The following NELL1 variants were observed in gnomAD, a reference collection of about 807,000 sequenced individuals.
NELL1 encodes the protein protein kinase C-binding protein NELL1.
In NELL1, 76 loss-of-function variants were observed where a neutral mutation model predicts 107.4. The ratio of observed to expected loss-of-function variants is 0.71; its 90% CI spans 0.59 to 0.86. The LOEUF is 0.86. NELL1 is among the 40% of genes least tolerant of loss of function. NELL1 has a pLI of 0.00. For missense variants in NELL1, 1,024 were observed against 1,005.5 expected, an observed-to-expected ratio of 1.02 and a Z score of -0.25; for synonymous variants, 353 against 341.2, an observed-to-expected ratio of 1.03 and a Z score of -0.38.
intron 12 of NELL1, among the ~76,000 whole-genome samples, chr11:21,101,645 A>G (rs950158317): frequency 2.0e-5 from 3 of 151,966 alleles, no homozygotes; most frequent in African/African-American, 7.3e-5. Flanking sequence ...TTCTTTTGAG[A>G]AGTGTCTGTT....
chr11:21,449,974 A>G (rs570010338), intron 15 of NELL1, among the ~76,000 whole-genome samples: 1 of 152,352 alleles, frequency 6.6e-6, no homozygotes, highest in African/African-American at 2.4e-5. Context: ...GGAATAAGGT[A>G]GAGTTAGCCC....
At chr11:21,018,453 G>A (rs1037705395) in intron 12 of NELL1, among the ~76,000 whole-genome samples, 8 of 152,096 alleles carry the variant, frequency 5.3e-5, no homozygotes, top group Non-Finnish European at 2.9e-5. Flanking sequence ...TAGACTGATA[G>A]TGACTGGGAA....
In NELL1 at chr11:20,918,251, C is replaced by T; in HGVS notation, c.673C>T (p.His225Tyr). 1.9e-6 allele frequency: 3 copies of T among 1,546,810 alleles called. No homozygotes were observed. The highest frequency in any genetic ancestry group is 4.5e-5 in the East Asian group (2 of 44,490). The change falls in exon 6 of 20, where the codon CAC (histidine) becomes TAC (tyrosine). Residue 225 changes from histidine to tyrosine, a missense_variant. Coordinates refer to ENST00000357134, the MANE Select transcript of NELL1 (RefSeq NM_006157.5). ...GYITQCPNLNHTCPTCSDFLS... is the reference protein window; with the variant it reads ...GYITQCPNLNYTCPTCSDFLS... ...TATAACACAGTGTCCAAATCTAAAT[C>T]ACAGTAAGTAGCAACTTAAAGCATT...
intron 15 of NELL1, among the ~76,000 whole-genome samples, chr11:21,505,128 A>T (rs1013571813): frequency 2.0e-5 from 3 of 152,204 alleles, no homozygotes; most frequent in African/African-American, 7.2e-5. Flanking sequence ...TACAAAAGCC[A>T]TGCTGCTACC....
At chr11:21,559,630 A>C (rs1186770840) in intron 16 of NELL1, among the ~76,000 whole-genome samples, 1 of 152,126 alleles carries the variant, frequency 6.6e-6, no homozygotes, top group Non-Finnish European at 1.5e-5. Context: ...GACACCTATC[A>C]AGAATTGTTC....
intron 13 of NELL1, among the ~76,000 whole-genome samples, chr11:21,184,915 T>C (rs2133828343): frequency 6.6e-6 from 1 of 152,022 alleles, no homozygotes; most frequent in Non-Finnish European, 1.5e-5. Context: ...TGTAAATATG[T>C]GTTACATTTT....
chr11:21,570,306 T>A (rs779975590), intron 17 of NELL1, among the ~76,000 whole-genome samples: 1 of 151,810 alleles, frequency 6.6e-6, no homozygotes, highest in African/African-American at 2.4e-5. Context: ...GGGTCTACGT[T>A]AATTTTCTGT....
chr11:21,482,138 A>C (rs1216895361), intron 15 of NELL1, among the ~76,000 whole-genome samples: 1 of 152,258 alleles, frequency 6.6e-6, no homozygotes, highest in Non-Finnish European at 1.5e-5. Context: ...AAGATTAAAA[A>C]TTAAGCTGTA....
chr11:21,210,125 G>C (rs55726605), intron 13 of NELL1, among the ~76,000 whole-genome samples: 8,508 of 152,118 alleles, frequency 0.056, 773 homozygotes, highest in African/African-American at 0.19. Context: ...TTTTCTTCAT[G>C]CATTGATTAG....
chr11:21,073,574 A>G (rs1014944895), intron 12 of NELL1, among the ~76,000 whole-genome samples: 2 of 152,182 alleles, frequency 1.3e-5, no homozygotes, highest in Non-Finnish European at 2.9e-5. Context: ...CTTAAAGCCC[A>G]TGTATGGCAT....
intron 2 of NELL1, among the ~76,000 whole-genome samples, chr11:20,760,711 A>G (rs1856400740): frequency 6.6e-6 from 1 of 152,122 alleles, no homozygotes; most frequent in African/African-American, 2.4e-5. Context: ...TAAAAATAAG[A>G]TTTCTTAGGA....
At chr11:21,129,707 C>T (rs929319593) in intron 13 of NELL1, among the ~76,000 whole-genome samples, 19 of 152,212 alleles carry the variant, frequency 1.2e-4, no homozygotes, top group African/African-American at 4.3e-4. Flanking sequence ...CTGGAGTAAT[C>T]AAATTCATAG....
chr11:20,869,343 T>G (rs1037894725), intron 4 of NELL1, among the ~76,000 whole-genome samples: 4 of 152,226 alleles, frequency 2.6e-5, no homozygotes, highest in Non-Finnish European at 5.9e-5. Context: ...TGGAAATGTA[T>G]GGCATTTACT....
chr11:21,069,345 T>C (rs947210334), intron 12 of NELL1, among the ~76,000 whole-genome samples: 8 of 152,218 alleles, frequency 5.3e-5, no homozygotes, highest in African/African-American at 1.9e-4. Context: ...CTCTTTTGAA[T>C]GGTTTATTGC....
intron 3 of NELL1, among the ~76,000 whole-genome samples, chr11:20,803,493 G>A (rs541358095): frequency 6.6e-6 from 1 of 152,060 alleles, no homozygotes; most frequent in East Asian, 1.9e-4. Context: ...TTTCAAAAAC[G>A]AACTTCTTCT....
chr11:21,502,479 C>T (rs1855167874), intron 15 of NELL1, among the ~76,000 whole-genome samples: 1 of 152,322 alleles, frequency 6.6e-6, no homozygotes, highest in South Asian at 2.1e-4. Flanking sequence ...CAACTCATTA[C>T]CATCAGCATT....
intron 2 of NELL1, among the ~76,000 whole-genome samples, chr11:20,710,914 C>T (rs982238015): frequency 6.6e-6 from 1 of 151,822 alleles, no homozygotes; most frequent in Non-Finnish European, 1.5e-5. Flanking sequence ...GATCTTCTCT[C>T]TTCTTTTCTT....
intron 2 of NELL1, among the ~76,000 whole-genome samples, chr11:20,679,542 C>T (rs532720274): frequency 6.6e-6 from 1 of 152,288 alleles, no homozygotes; most frequent in East Asian, 1.9e-4. Context: ...TTTTCACTTA[C>T]TCCTTACTAA....
intron 15 of NELL1, among the ~76,000 whole-genome samples, chr11:21,515,396 T>G: frequency 6.6e-6 from 1 of 152,136 alleles, no homozygotes; most frequent in East Asian, 1.9e-4. Context: ...CAAATCCCAC[T>G]GCAACATGTT....
Sources: gnomAD v4.1 joint callset for allele counts (sites outside exome capture counted in the v4.1 genomes callset) on GRCh38, gnomAD v4.1.1 for gene constraint, MANE v1.5 for transcripts, NCBI Gene and HGNC (gene_info 2026-07-23, HGNC 2026-07-21) for gene names.